The following BDP1 variants were observed in gnomAD, a reference collection of about 807,000 sequenced individuals.
BDP1 encodes the protein transcription factor TFIIIB component B'' homolog.
BDP1 carries 169 observed loss-of-function variants against 266.6 expected under a neutral mutation model. That is an observed-to-expected ratio of 0.63 (90% CI 0.56 to 0.72). The LOEUF (loss-of-function observed/expected upper bound fraction) is 0.72, where lower values mean the gene tolerates loss of function less well. Ranked by LOEUF, BDP1 falls within the 30% of genes least tolerant of loss-of-function variation. The pLI is 0.00. For synonymous variants in BDP1, 1,090 were observed against 1,022.4 expected (o/e 1.07, Z -1.26); for missense variants, 3,015 against 3,053.8 (o/e 0.99, Z 0.30).
chr5:71,490,439 A>C (rs1385523500), intron 10 of BDP1, among the ~76,000 whole-genome samples: 2 of 152,188 alleles, frequency 1.3e-5, no homozygotes. Context: ...GGTTTTAGAA[A>C]TCAAACAGAC....
In BDP1 at chr5:71,548,753, A is replaced by C. The variant is rs1377008072; in HGVS notation, c.6808+8A>C. ...ATCCTCAAGACCTAACAGGTATGAT[A>C]ATATGCTTCAGTGACATGTCATAGA... On this transcript the variant is annotated splice_region_variant and intron_variant, in intron 33 of 38. Coordinates refer to ENST00000358731, the MANE Select transcript of BDP1 (RefSeq NM_018429.3). 4 of 1,564,410 alleles carry C rather than the reference A, an allele frequency of 2.6e-6. No individual in the cohort carries two copies. Among genetic ancestry groups the C allele is most frequent in the African/African-American group, 2.7e-5 (2 of 73,738 alleles).
At chr5:71,462,005 C>T (rs537081987) in intron 3 of BDP1, 79 bp downstream of exon 3, 95 of 809,128 alleles carry the variant, frequency 1.2e-4, no homozygotes, top group African/African-American at 4.7e-4. Context: ...CTCTGTCACC[C>T]GGGCTGGAGT....
chr5:71,547,772 A>G (rs2111885835), intron 32 of BDP1, among the ~76,000 whole-genome samples: 1 of 152,080 alleles, frequency 6.6e-6, no homozygotes, highest in South Asian at 2.1e-4. Context: ...ACATGGTGAA[A>G]CTCTGTCTCT....
chr5:71,508,927 G>A (rs1269523206), intron 16 of BDP1, among the ~76,000 whole-genome samples: 1 of 152,168 alleles, frequency 6.6e-6, no homozygotes, highest in African/African-American at 2.4e-5. Flanking sequence ...AGCCTTTAGA[G>A]AACTATCTGT....
At chr5:71,475,291 G>A (rs1173464209) in intron 7 of BDP1, among the ~76,000 whole-genome samples, 3 of 151,936 alleles carry the variant, frequency 2.0e-5, no homozygotes. Flanking sequence ...AAATTTTTTT[G>A]TAGAGACTAA....
At chr5:71,469,050 A>G (rs1352511821) in intron 6 of BDP1, among the ~76,000 whole-genome samples, 3 of 152,202 alleles carry the variant, frequency 2.0e-5, no homozygotes, top group Admixed American at 1.3e-4. Flanking sequence ...TTTTGAGGAA[A>G]AATTCAAACA....
intron 7 of BDP1, among the ~76,000 whole-genome samples, chr5:71,473,121 G>A (rs1762365429): frequency 6.6e-6 from 1 of 151,698 alleles, no homozygotes; most frequent in Non-Finnish European, 1.5e-5. Flanking sequence ...CTGTGCCCAA[G>A]TGATCTGCCT....
chr5:71,489,049 G>A (rs960463999), intron 9 of BDP1, among the ~76,000 whole-genome samples: 3 of 152,170 alleles, frequency 2.0e-5, no homozygotes, highest in Non-Finnish European at 4.4e-5. Flanking sequence ...CTCAACTTAT[G>A]ATGGGTTTAT....
In BDP1 at chr5:71,456,060, G is replaced by A. The variant is rs369855473; in HGVS notation, c.183G>A (p.Ala61=). 34 of 1,613,168 alleles carry A rather than the reference G, an allele frequency of 2.1e-5. No homozygotes were observed. Among genetic ancestry groups the A allele is most frequent in the Non-Finnish European group, 2.7e-5 (32 of 1,180,030 alleles). Residue 61 remains alanine, a synonymous_variant, in exon 1 of 39, where the codon GCG becomes GCA. Transcript: ENST00000358731. The part of the protein sequence containing the change: ...TDVPTVDFGG[A]EPQEKAPRSS... ...TGCCCACAGTCGATTTCGGTGGAGC[G>A]GAGCCCCAAGAAAAGGCTCCTAGGA...
rs754869768 is a variant in BDP1 at position 71,470,462 on chromosome 5, T to A, written c.987T>A (p.Phe329Leu). The change falls in exon 7 of 39, where the codon TTT (phenylalanine) becomes TTA (leucine). Residue 329 changes from phenylalanine (F) to leucine (L), a missense_variant. Physicochemically the swap from Phe to Leu is conservative, Grantham distance 22 (BLOSUM62 0). Transcript: ENST00000358731. ...ACTTTTCTATGATCGGACAACTTTT[T>A]CCTCACAGAGCAAGGATAGAAATTA... is the stretch of plus-strand genomic sequence containing the variant. ...GTDFSMIGQL[F>L]PHRARIEIKN... The A allele has an allele frequency of 4.2e-5, 67 of 1,611,944 alleles. No homozygotes were observed. Among genetic ancestry groups the A allele is most frequent in the Non-Finnish European group, 5.7e-5 (67 of 1,178,650 alleles).
chr5:71,557,224 G>T (rs886203500), intron 36 of BDP1, among the ~76,000 whole-genome samples: 1 of 151,716 alleles, frequency 6.6e-6, no homozygotes, highest in Non-Finnish European at 1.5e-5. Context: ...CCCCCGCCCC[G>T]CCAAGACAGG....
intron 16 of BDP1, among the ~76,000 whole-genome samples, chr5:71,507,303 A>G (rs369640290): frequency 6.6e-6 from 1 of 152,278 alleles, no homozygotes; most frequent in East Asian, 1.9e-4. Context: ...GTATATTTTA[A>G]GTTGAGAAAT....
Position 71,513,286 on chromosome 5 carries a change from T to G in BDP1, c.4349T>G (p.Leu1450Trp), listed in dbSNP as rs1334273125. ...AAACCAAACTTAGCAAGAGCAGCTTTGAAGAGAGAGACTACAGAATCAGAA... is the reference window on the plus strand; with the variant it reads ...AAACCAAACTTAGCAAGAGCAGCTTGGAAGAGAGAGACTACAGAATCAGAA... The part of the protein sequence containing the change: ...RPKPNLARAA[L>W]KRETTESEKY... The change falls in exon 19 of 39, where the codon TTG becomes TGG. Residue 1450 changes from leucine to tryptophan, a missense_variant. By Grantham distance (61) the Leu-to-Trp change is moderately conservative. This residue lies in a region of BDP1 where 2,383 missense variants were observed against 2,404.9 expected (regional missense o/e 0.99). Coordinates refer to ENST00000358731, the MANE Select transcript of BDP1 (RefSeq NM_018429.3). 6.2e-7 allele frequency: 1 copy of G among 1,613,190 alleles called. No individual in the cohort carries two copies. The highest frequency in any genetic ancestry group is 8.5e-7 in the Non-Finnish European group (1 of 1,179,620).
chr5:71,501,801 A>G, intron 14 of BDP1, 148 bp downstream of exon 14: 1 of 600,206 alleles, frequency 1.7e-6, no homozygotes, highest in Non-Finnish European at 3.0e-6. Context: ...GTGGTTTTGA[A>G]ACATTCATAA....
At chr5:71,515,994 A>T (rs279322) in intron 20 of BDP1, 67 bp from the exon 21 acceptor site, 1 of 1,173,820 alleles carries the variant, frequency 8.5e-7, no homozygotes, top group Non-Finnish European at 1.2e-6. Flanking sequence ...CAAATTTTAC[A>T]TTTTTACATT....
chr5:71,544,335 G>C, intron 30 of BDP1, 22 bp from the exon 31 acceptor site: 1 of 1,603,322 alleles, frequency 6.2e-7, no homozygotes, highest in Non-Finnish European at 8.5e-7. Context: ...GGTCTATATC[G>C]TAAGTGTGCT....
chr5:71,538,641 A>G (rs1333655733), intron 26 of BDP1, among the ~76,000 whole-genome samples: 1 of 152,204 alleles, frequency 6.6e-6, no homozygotes, highest in African/African-American at 2.4e-5. Flanking sequence ...AAATGCATTT[A>G]AGTTTTAAGC....
Position 71,562,146 on chromosome 5 carries a change from C to T in BDP1, c.7497-128C>T, listed in dbSNP as rs374218972. The T allele has an allele frequency of 6.6e-3, 5,448 of 831,172 alleles. 89 individuals carry two copies. Among genetic ancestry groups the T allele is most frequent in the South Asian group, 0.05 (2,554 of 51,348 alleles). 51.5% of individuals were successfully genotyped at this position (831,172 alleles called of 1,614,324 possible). ...CTGGGAGGTGGAGGTTGCAGTGAGCCGAGATTGCGCCACTGCACTCCAGCC... is the reference window on the plus strand; with the variant it reads ...CTGGGAGGTGGAGGTTGCAGTGAGCTGAGATTGCGCCACTGCACTCCAGCC... On this transcript the variant is annotated intron_variant, in intron 37 of 38. Transcript: ENST00000358731.
At chr5:71,526,705 A>G (rs1321957577) in intron 25 of BDP1, among the ~76,000 whole-genome samples, 1 of 104,180 alleles carries the variant, frequency 9.6e-6, no homozygotes, top group African/African-American at 3.8e-5. Flanking sequence ...TTTTTTTTTT[A>G]AAGACGGGGT....
Sources: gnomAD v4.1 joint callset for allele counts (sites outside exome capture counted in the v4.1 genomes callset) on GRCh38, gnomAD v4.1.1 for gene constraint, gnomAD v4.1.1 regional missense constraint, MANE v1.5 for transcripts, NCBI Gene and HGNC (gene_info 2026-07-23, HGNC 2026-07-21) for gene names.